Variants in CNTN3 observed in about 807,000 individuals in gnomAD.
CNTN3 encodes the protein contactin-3.
CNTN3 carries 60 observed loss-of-function variants against 119.1 expected under a neutral mutation model. The ratio of observed to expected loss-of-function variants is 0.50; its 90% CI spans 0.41 to 0.62. The LOEUF is 0.62. Among genes scored for constraint, CNTN3 ranks in the 20% least tolerant of loss-of-function variants. The probability of loss-of-function intolerance (pLI) is 0.00; values close to 1 mark genes in which losing one functional copy is unlikely to be tolerated. For synonymous variants in CNTN3, 450 were observed against 438.7 expected, an observed-to-expected ratio of 1.03 and a Z score of -0.32; for missense variants, 1,101 against 1,242.4, an observed-to-expected ratio of 0.89 and a Z score of 1.71.
At chr3:74,336,787 T>C in intron 11 of CNTN3, 129 bp from the exon 12 acceptor site, 1 of 616,762 alleles carries the variant, frequency 1.6e-6, no homozygotes, top group South Asian at 3.5e-5. Context: ...AGTCCTTAGC[T>C]TTTTGGGAAT....
intron 1 of CNTN3, among the ~76,000 whole-genome samples, chr3:74,601,595 C>T (rs967943547): frequency 2.6e-5 from 4 of 152,086 alleles, no homozygotes; most frequent in Non-Finnish European, 2.9e-5. Context: ...ATTTACAATG[C>T]TTAATGGATG....
At chr3:74,481,512 T>A (rs1445711190) in intron 4 of CNTN3, among the ~76,000 whole-genome samples, 1 of 151,738 alleles carries the variant, frequency 6.6e-6, no homozygotes, top group Non-Finnish European at 1.5e-5. Context: ...AACTCACAAA[T>A]CAAAGAAAAT....
At chr3:74,606,050 A>C (rs924513594) in intron 1 of CNTN3, among the ~76,000 whole-genome samples, 1 of 152,148 alleles carries the variant, frequency 6.6e-6, no homozygotes, top group Non-Finnish European at 1.5e-5. Flanking sequence ...CTCAAAAAAA[A>C]GTGTGAGTAA....
chr3:74,279,272 G>A (rs145601757), intron 20 of CNTN3, among the ~76,000 whole-genome samples: 3,960 of 152,084 alleles, frequency 0.026, 71 homozygotes, highest in Non-Finnish European at 0.04. Flanking sequence ...CTACCTAGAG[G>A]AAAAAAAGTC....
chr3:74,614,317 C>A (rs1705132681), intron 1 of CNTN3, among the ~76,000 whole-genome samples, 74 bp downstream of exon 1: 1 of 152,090 alleles, frequency 6.6e-6, no homozygotes, highest in Non-Finnish European at 1.5e-5. Flanking sequence ...GAAGCCAGGG[C>A]GTAAAGTTTG....
intron 3 of CNTN3, among the ~76,000 whole-genome samples, chr3:74,498,577 G>C (rs977896299): frequency 6.6e-6 from 1 of 151,718 alleles, no homozygotes; most frequent in Non-Finnish European, 1.5e-5. Flanking sequence ...ATTACTTCCA[G>C]ATGCAAAAAT....
intron 19 of CNTN3, among the ~76,000 whole-genome samples, chr3:74,292,459 G>A (rs1702249257): frequency 6.6e-6 from 1 of 152,168 alleles, no homozygotes; most frequent in African/African-American, 2.4e-5. Flanking sequence ...CCAGCTACTA[G>A]AGAGGCTGAG....
chr3:74,322,939 G>C (rs1252020510), intron 13 of CNTN3, among the ~76,000 whole-genome samples: 1 of 152,096 alleles, frequency 6.6e-6, no homozygotes, highest in African/African-American at 2.4e-5. Flanking sequence ...TTCTGGAAAA[G>C]GCAAAACTAT....
At chr3:74,525,268 TC>T (rs1354867757) in intron 1 of CNTN3, among the ~76,000 whole-genome samples, 1 of 151,900 alleles carries the variant, frequency 6.6e-6, no homozygotes, top group African/African-American at 2.4e-5. Flanking sequence ...CATATAATAT[TC>T]ATTTATACGT....
Position 74,365,588 on chromosome 3 carries a change from T to C in CNTN3, c.1061A>G (p.Asn354Ser). The C allele has an allele frequency of 6.2e-7, 1 of 1,613,272 alleles. No homozygotes were observed. The highest frequency in any genetic ancestry group is 8.5e-7 in the Non-Finnish European group (1 of 1,179,456). ...TACCTCTAGCACCAGGGCTGCTCCA[T>C]TTTTCAGCCATCGGTAGGAAGGCTT... ...KPKPSYRWLKNGAALVLEERT... is the reference protein window; with the variant it reads ...KPKPSYRWLKSGAALVLEERT... The change falls in exon 9 of 23, where the codon AAT (asparagine) becomes AGT (serine). Residue 354 changes from asparagine to serine, a missense_variant. Asn to Ser is a conservative substitution (Grantham distance 46). Coordinates refer to ENST00000263665, the MANE Select transcript of CNTN3 (RefSeq NM_020872.3).
chr3:74,527,415 G>A (rs753575511), intron 1 of CNTN3, among the ~76,000 whole-genome samples: 7 of 151,774 alleles, frequency 4.6e-5, no homozygotes, highest in African/African-American at 9.7e-5. Flanking sequence ...TAGATGGGGC[G>A]GCAATACAAA....
intron 5 of CNTN3, among the ~76,000 whole-genome samples, chr3:74,419,033 G>C (rs1471484173): frequency 6.6e-6 from 1 of 151,784 alleles, no homozygotes; most frequent in Non-Finnish European, 1.5e-5. Flanking sequence ...CTGAGTTCAG[G>C]CAATCCACCC....
chr3:74,378,052 G>A (rs1379678824), intron 5 of CNTN3, among the ~76,000 whole-genome samples: 2 of 152,132 alleles, frequency 1.3e-5, no homozygotes, highest in Admixed American at 6.5e-5. Flanking sequence ...GATGCCAACT[G>A]GGAAGTCTGA....
intron 1 of CNTN3, among the ~76,000 whole-genome samples, chr3:74,564,894 G>A (rs184923241): frequency 2.6e-4 from 40 of 152,138 alleles, no homozygotes; most frequent in African/African-American, 9.6e-4. Flanking sequence ...GAAATGTGAT[G>A]TTAGAGAACA....
chr3:74,318,348 T>C (rs964187105), intron 13 of CNTN3, among the ~76,000 whole-genome samples: 3 of 152,228 alleles, frequency 2.0e-5, no homozygotes, highest in African/African-American at 7.2e-5. Flanking sequence ...GTCAAAGTCA[T>C]TCTCCATCTA....
intron 20 of CNTN3, among the ~76,000 whole-genome samples, chr3:74,269,334 T>G (rs1359696044): frequency 2.6e-5 from 4 of 152,108 alleles, no homozygotes; most frequent in Non-Finnish European, 5.9e-5. Context: ...TTTTATAATG[T>G]TCGCGAACTA....
At chr3:74,395,884 T>G (rs1009951518) in intron 5 of CNTN3, among the ~76,000 whole-genome samples, 1 of 152,206 alleles carries the variant, frequency 6.6e-6, no homozygotes, top group Non-Finnish European at 1.5e-5. Flanking sequence ...ACTTCTTGCA[T>G]ATTTAAAACG....
rs1362139355 is a variant in CNTN3 at position 74,369,911 on chromosome 3, A to G, written c.739T>C (p.Leu247=). 7 of 1,604,986 alleles carry G rather than the reference A, an allele frequency of 4.4e-6. No homozygotes were observed. Among genetic ancestry groups the G allele is most frequent in the Non-Finnish European group, 6.0e-6 (7 of 1,173,916 alleles). Residue 247 remains leucine, a synonymous_variant, in exon 7 of 23, where the codon TTG becomes CTG. Transcript: ENST00000263665. ...TACTTTCCAAGGGCAAAACATTCCA[A>G]TTTCACAGTCGAACCTTTAGCTGCT... ...LPAAKGSTVK[L]ECFALGNPIP... is the part of the protein sequence containing the mutation.
intron 13 of CNTN3, among the ~76,000 whole-genome samples, chr3:74,332,041 C>T (rs1210167519): frequency 6.6e-6 from 1 of 152,164 alleles, no homozygotes; most frequent in African/African-American, 2.4e-5. Flanking sequence ...TTTTCTATAA[C>T]CTGAACTACC....
Sources: allele counts gnomAD v4.1 joint callset (sites outside exome capture counted in the v4.1 genomes callset), GRCh38; gene constraint gnomAD v4.1.1; transcripts MANE v1.5; gene names NCBI Gene and HGNC (gene_info 2026-07-23, HGNC 2026-07-21).